Variants in ZMYM2 observed in about 807,000 individuals in gnomAD.
The protein encoded by ZMYM2 is zinc finger MYM-type protein 2.
ZMYM2 carries 56 observed loss-of-function variants against 162.8 expected under a neutral mutation model. The ratio of observed to expected loss-of-function variants is 0.34; its 90% CI spans 0.28 to 0.43. The LOEUF is 0.43. ZMYM2 is among the 20% of genes least tolerant of loss of function. The probability of loss-of-function intolerance (pLI) is 1.00; values close to 1 mark genes in which losing one functional copy is unlikely to be tolerated. For synonymous variants in ZMYM2, 510 were observed against 541.6 expected (o/e 0.94, Z 0.81); for missense variants, 1,275 against 1,621.8 (o/e 0.79, Z 3.67).
chr13:20,058,641 C>A lies in ZMYM2; in HGVS notation c.2560C>A (p.Pro854Thr). 1 of 1,613,786 alleles carries A rather than the reference C, an allele frequency of 6.2e-7. No homozygotes were observed. The highest frequency in any genetic ancestry group is 8.5e-7 in the Non-Finnish European group (1 of 1,179,798). ...EMKNKAVLCK[P>T]LTMTKATYCK... ...GAAGAACAAAGCAGTTCTTTGCAAA[C>A]CTTTAACAATGACAAAAGCTACTTA... Residue 854 changes from proline (P) to threonine (T), a missense_variant, in exon 15 of 25, where the codon CCT becomes ACT. Coordinates refer to ENST00000610343, the MANE Select transcript of ZMYM2 (RefSeq NM_197968.4).
intron 12 of ZMYM2, among the ~76,000 whole-genome samples, chr13:20,046,766 C>T (rs1045354035): frequency 1.2e-4 from 18 of 151,142 alleles, no homozygotes; most frequent in African/African-American, 4.1e-4. Context: ...AGCAAAGGTA[C>T]GTTCTTTGAC....
chr13:19,955,138 A>AATTATTATTATTATT (rs58375933), upstream of ZMYM2, among the ~76,000 whole-genome samples: 27 of 149,712 alleles, frequency 1.8e-4, no homozygotes, highest in South Asian at 4.2e-4. Context: ...TAGTTACTGC[A>AATTATTATTATTATT]ATTATTATTA....
At chr13:19,933,616 G>A in the ZMYM2 span, among the ~76,000 whole-genome samples, 1 of 152,268 alleles carries the variant, frequency 6.6e-6, no homozygotes, top group South Asian at 2.1e-4. Context: ...TGCAAAGGAA[G>A]CAAGAGTGAT....
At chr13:19,954,286 G>A (rs1954474059), upstream of ZMYM2, among the ~76,000 whole-genome samples, 1 of 151,420 alleles carries the variant, frequency 6.6e-6, no homozygotes, top group Non-Finnish European at 1.5e-5. Context: ...CCACCACCAT[G>A]CCTGGCTAAT....
At chr13:19,899,711 G>A in the ZMYM2 span, among the ~76,000 whole-genome samples, 1 of 150,726 alleles carries the variant, frequency 6.6e-6, no homozygotes, top group East Asian at 2.0e-4. Context: ...CAGCTACTCG[G>A]GAGGCTGAGG....
chr13:20,006,629 T>C lies in ZMYM2; in HGVS notation c.1512+43T>C, dbSNP rs74666969. On this transcript the variant is annotated intron_variant, in intron 6 of 24. Transcript: ENST00000610343. ...CAAAATTGGGCATTCTTTAGAATGT[T>C]CTTGAAAGTGTTGTAATACTTTTAC... 6.2e-3 allele frequency: 9,809 copies of C among 1,577,610 alleles called. 38 individuals are homozygous for C. Among genetic ancestry groups the C allele is most frequent in the Non-Finnish European group, 7.7e-3 (8,927 of 1,152,744 alleles).
At chr13:19,902,508 C>T in the ZMYM2 span, among the ~76,000 whole-genome samples, 10 of 151,780 alleles carry the variant, frequency 6.6e-5, no homozygotes, top group South Asian at 1.2e-3. Flanking sequence ...CCCAGCTACT[C>T]GGGAGGCTGA....
At chr13:19,919,187 A>G in the ZMYM2 span, among the ~76,000 whole-genome samples, 2 of 150,822 alleles carry the variant, frequency 1.3e-5, no homozygotes, top group African/African-American at 4.9e-5. Flanking sequence ...AGTCGTGCAT[A>G]TGAAGAGTTT....
intron 2 of ZMYM2, among the ~76,000 whole-genome samples, chr13:19,992,602 G>A (rs1024443417): frequency 7.2e-5 from 11 of 151,930 alleles, no homozygotes; most frequent in African/African-American, 2.4e-4. Context: ...AAGGATTATA[G>A]CATGTGACTT....
chr13:19,968,734 C>A (rs954666647), intron 2 of ZMYM2, among the ~76,000 whole-genome samples: 1 of 152,196 alleles, frequency 6.6e-6, no homozygotes, highest in Admixed American at 6.5e-5. Flanking sequence ...AAAGCTCAGT[C>A]TGATGACATT....
the ZMYM2 span, among the ~76,000 whole-genome samples, chr13:19,911,415 G>T: frequency 6.6e-6 from 1 of 152,228 alleles, no homozygotes; most frequent in African/African-American, 2.4e-5. Context: ...TGAAAGAAAG[G>T]TTGGGTCACC....
rs749474613 is a variant in ZMYM2 at position 20,086,051 on chromosome 13, A to C, written c.*37A>C. On this transcript the variant is annotated 3_prime_UTR_variant, in exon 25 of 25. Coordinates refer to ENST00000610343, the MANE Select transcript of ZMYM2 (RefSeq NM_197968.4). ...GCAGAAGCAATCGGGATAAAACAGC[A>C]TTAGATAGTCATGCTGCTAGATCTT... 1 of 1,587,794 alleles carries C rather than the reference A, an allele frequency of 6.3e-7. No individual in the cohort carries two copies. Among genetic ancestry groups the C allele is most frequent in the East Asian group, 2.2e-5 (1 of 44,708 alleles).
intron 16 of ZMYM2, among the ~76,000 whole-genome samples, chr13:20,059,900 G>A (rs1311101362): frequency 6.6e-6 from 1 of 152,056 alleles, no homozygotes; most frequent in Admixed American, 6.5e-5. Flanking sequence ...CAGGCACAGT[G>A]GCATATACCT....
At chr13:19,943,580 T>C in the ZMYM2 span, among the ~76,000 whole-genome samples, 7 of 152,222 alleles carry the variant, frequency 4.6e-5, no homozygotes, top group African/African-American at 1.7e-4. Flanking sequence ...CAAATTGTCC[T>C]CTCGCTGGGC....
chr13:19,975,870 AT>A, intron 2 of ZMYM2, among the ~76,000 whole-genome samples: 1 of 125,586 alleles, frequency 8.0e-6, no homozygotes, highest in Non-Finnish European at 1.6e-5. Flanking sequence ...AAATGTATGT[AT>A]GTATGTATGT....
intron 4 of ZMYM2, among the ~76,000 whole-genome samples, chr13:20,004,299 G>C (rs1456621636): frequency 6.6e-6 from 1 of 151,912 alleles, no homozygotes; most frequent in Non-Finnish European, 1.5e-5. Context: ...CTGTCGCCCT[G>C]GCTGGAGTGC....
At chr13:19,863,870 C>G in the ZMYM2 span, 3 of 152,284 alleles carry the variant, frequency 2.0e-5, no homozygotes, top group South Asian at 6.2e-4. Flanking sequence ...GCCCTCAACT[C>G]CCGGTCGGGT....
the ZMYM2 span, among the ~76,000 whole-genome samples, chr13:19,923,764 G>A: frequency 2.1e-5 from 3 of 144,556 alleles, no homozygotes; most frequent in South Asian, 4.5e-4. Context: ...TCTGCCTCCC[G>A]GGTTTAAGCG....
intron 10 of ZMYM2, among the ~76,000 whole-genome samples, chr13:20,032,071 A>G (rs1953213551): frequency 2.0e-5 from 3 of 151,866 alleles, no homozygotes; most frequent in South Asian, 4.2e-4. Flanking sequence ...GGGTTTCACC[A>G]TGTTGGCCAG....
Sources: allele counts gnomAD v4.1 joint callset (sites outside exome capture counted in the v4.1 genomes callset), GRCh38; gene constraint gnomAD v4.1.1; transcripts MANE v1.5; gene names NCBI Gene and HGNC (gene_info 2026-07-23, HGNC 2026-07-21).